SPMIP11: variants seen among roughly 807,000 people sequenced by gnomAD.
The protein encoded by SPMIP11 is long intergenic non-protein coding RNA 935.
the SPMIP11 span, among the ~76,000 whole-genome samples, chr12:48,732,966 G>A: frequency 4.8e-4 from 67 of 138,456 alleles, no homozygotes; most frequent in Non-Finnish European, 8.3e-4. Flanking sequence ...TGAGGTTGTG[G>A]TGAGCCGAGA....
chr12:48,761,719 C>CTTTTTT, the SPMIP11 span, among the ~76,000 whole-genome samples: 8 of 95,260 alleles, frequency 8.4e-5, no homozygotes, highest in African/African-American at 2.2e-4. Context: ...ATATAACATT[C>CTTTTTT]TTTTTTTTTT....
At chr12:48,768,464 G>T in the SPMIP11 span, 2 of 1,365,304 alleles carry the variant, frequency 1.5e-6, no homozygotes, top group Non-Finnish European at 2.1e-6. Flanking sequence ...AGCCTGCTGG[G>T]ATGTTCCCTT....
At chr12:48,758,357 G>A in the SPMIP11 span, among the ~76,000 whole-genome samples, 2 of 152,160 alleles carry the variant, frequency 1.3e-5, no homozygotes, top group African/African-American at 4.8e-5. Flanking sequence ...TGGCCCCAAG[G>A]ATGCTGGGCC....
chr12:48,768,936 C>T, the SPMIP11 span: 2 of 1,608,426 alleles, frequency 1.2e-6, no homozygotes, highest in Non-Finnish European at 1.7e-6. Context: ...ATCCCCCTCA[C>T]CTGGATTCGG....
At chr12:48,756,987 G>T in the SPMIP11 span, among the ~76,000 whole-genome samples, 80 of 152,090 alleles carry the variant, frequency 5.3e-4, no homozygotes, top group African/African-American at 1.9e-3. Flanking sequence ...TGTTGGCCAG[G>T]CTGGTCTCAA....
At chr12:48,764,846 T>C in the SPMIP11 span, 4 of 702,622 alleles carry the variant, frequency 5.7e-6, no homozygotes, top group Non-Finnish European at 1.0e-5. Flanking sequence ...CCCCCACCCA[T>C]TCAGTTCCCA....
chr12:48,735,809 G>A, the SPMIP11 span, among the ~76,000 whole-genome samples: 318 of 151,726 alleles, frequency 2.1e-3, 2 homozygotes, highest in African/African-American at 7.4e-3. Context: ...GCTTGAACCC[G>A]GGAGGTGGAG....
At chr12:48,768,364 C>G in the SPMIP11 span, 1 of 624,760 alleles carries the variant, frequency 1.6e-6, no homozygotes, top group Non-Finnish European at 2.8e-6. Flanking sequence ...CAGCCCTACC[C>G]CAAGTAAGAA....
At chr12:48,735,003 C>CAAAAAAAA in the SPMIP11 span, among the ~76,000 whole-genome samples, 2 of 84,082 alleles carry the variant, frequency 2.4e-5, no homozygotes, top group African/African-American at 5.1e-5. Flanking sequence ...GACTCTGTCT[C>CAAAAAAAA]AAAAAAAAAA....
chr12:48,729,738 A>C, the SPMIP11 span, among the ~76,000 whole-genome samples: 90 of 151,842 alleles, frequency 5.9e-4, no homozygotes, highest in African/African-American at 2.1e-3. Context: ...GATTGTAAAG[A>C]ACAATCTTAC....
At chr12:48,749,631 G>T in the SPMIP11 span, among the ~76,000 whole-genome samples, 1 of 49,982 alleles carries the variant, frequency 2.0e-5, no homozygotes, top group Non-Finnish European at 3.7e-5. Flanking sequence ...GTGAAACTCG[G>T]TGTCAAAAAA....
chr12:48,765,604 C>A, the SPMIP11 span: 62 of 702,862 alleles, frequency 8.8e-5, no homozygotes, highest in Non-Finnish European at 1.1e-4. Flanking sequence ...CTCTTCTTTC[C>A]AGGTTTATGG....
the SPMIP11 span, chr12:48,768,385 T>C: frequency 1.5e-6 from 1 of 689,260 alleles, no homozygotes; most frequent in South Asian, 1.8e-5. Context: ...AGAAAGTCAC[T>C]TGCATAATCC....
the SPMIP11 span, chr12:48,771,398 A>T: frequency 1.9e-6 from 1 of 521,652 alleles, no homozygotes; most frequent in Non-Finnish European, 3.5e-6. This position sits in a 1 kb window ranked among gnomAD's most constrained non-coding sequence, Gnocchi z 4.3. Flanking sequence ...GGTTGGTCTC[A>T]TGAGGTTCTG....
At chr12:48,764,527 A>G in the SPMIP11 span, among the ~76,000 whole-genome samples, 1 of 152,192 alleles carries the variant, frequency 6.6e-6, no homozygotes, top group Non-Finnish European at 1.5e-5. Context: ...GAAAAATAAT[A>G]GATCAGTGGA....
the SPMIP11 span, among the ~76,000 whole-genome samples, chr12:48,750,224 G>A: frequency 1.3e-5 from 2 of 152,026 alleles, no homozygotes; most frequent in African/African-American, 2.4e-5. Context: ...ATAGTGGCAC[G>A]CACCTTTAGT....
chr12:48,753,931 G>C, the SPMIP11 span, among the ~76,000 whole-genome samples: 1 of 151,974 alleles, frequency 6.6e-6, no homozygotes, highest in African/African-American at 2.4e-5. Flanking sequence ...TGGAACTCCT[G>C]ACCTCAAGTG....
the SPMIP11 span, among the ~76,000 whole-genome samples, chr12:48,744,824 AAGAAAG>A: frequency 4.0e-5 from 6 of 151,518 alleles, no homozygotes; most frequent in Non-Finnish European, 7.4e-5. Flanking sequence ...GAAGAAGAAG[AAGAAAG>A]AAGAAGAAAA....
the SPMIP11 span, among the ~76,000 whole-genome samples, chr12:48,760,384 T>C: frequency 2.0e-5 from 3 of 151,748 alleles, no homozygotes; most frequent in African/African-American, 7.3e-5. Context: ...TGCTATGTTG[T>C]CCAGGCTGGT....
Sources: gnomAD v4.1 joint callset for allele counts (sites outside exome capture counted in the v4.1 genomes callset) on GRCh38, gnomAD v4.1.1 for gene constraint, Gnocchi (gnomAD v3.1) non-coding constraint, MANE v1.5 for transcripts, NCBI Gene and HGNC (gene_info 2026-07-23, HGNC 2026-07-21) for gene names.